Variants in FANCB observed in about 807,000 individuals in gnomAD.
The protein encoded by FANCB is FA complementation group B.
Under a neutral mutation model 38.9 loss-of-function variants are expected in FANCB, and 5 were observed. The observed-to-expected ratio is 0.13, with a 90% CI of 0.07 to 0.27. FANCB has a LOEUF of 0.27. Among genes scored for constraint, FANCB ranks in the 10% least tolerant of loss-of-function variants. The pLI is 1.00. For missense variants in FANCB, 573 were observed against 602.7 expected (o/e 0.95, Z 0.52); for synonymous variants, 236 against 215.4 (o/e 1.10, Z -0.84).
the FANCB span, among the ~76,000 whole-genome samples, chrX:14,716,446 G>A: frequency 8.9e-6 from 1 of 111,811 alleles, no homozygotes. Flanking sequence ...GAAGAGGATG[G>A]AAGTCCTTTG....
At chrX:14,849,542 T>C (rs370124400) in intron 7 of FANCB, among the ~76,000 whole-genome samples, 1 of 112,249 alleles carries the variant, frequency 8.9e-6, no homozygotes, top group African/African-American at 3.2e-5. Flanking sequence ...TAAAAAGCTC[T>C]TTGTTAGACT....
the FANCB span, among the ~76,000 whole-genome samples, chrX:14,797,893 A>T: frequency 2.7e-5 from 3 of 110,458 alleles, no homozygotes; most frequent in African/African-American, 9.9e-5. Context: ...GATGAGTAAA[A>T]GCTCCCTAGG....
the FANCB span, among the ~76,000 whole-genome samples, chrX:14,821,877 T>A: frequency 8.9e-6 from 1 of 111,749 alleles, no homozygotes; most frequent in African/African-American, 3.3e-5. Context: ...AATGAGAGCA[T>A]CCTGGCATTT....
the FANCB span, among the ~76,000 whole-genome samples, chrX:14,778,322 G>T: frequency 1.8e-5 from 2 of 111,575 alleles, no homozygotes; most frequent in African/African-American, 6.5e-5. Context: ...GATGTAGTGG[G>T]TATAGGTCAA....
At chrX:14,731,167 A>ATGAC in the FANCB span, 1 of 112,159 alleles carries the variant, frequency 8.9e-6, no homozygotes, top group Non-Finnish European at 1.9e-5. Flanking sequence ...ATAAACACCA[A>ATGAC]TGACAGAAAA....
chrX:14,832,904 T>C (rs1443238547), downstream of FANCB, among the ~76,000 whole-genome samples: 1 of 112,139 alleles, frequency 8.9e-6, no homozygotes, highest in African/African-American at 3.2e-5. Context: ...ATGTCTTTCA[T>C]GTGTAAATTT....
chrX:14,717,544 T>C, the FANCB span, among the ~76,000 whole-genome samples: 1 of 111,310 alleles, frequency 9.0e-6, no homozygotes, highest in Admixed American at 9.6e-5. Context: ...ATAAGCCTGC[T>C]CTAATATTTA....
chrX:14,841,332 A>G (rs963062942), downstream of FANCB, among the ~76,000 whole-genome samples: 23 of 112,435 alleles, frequency 2.0e-4, no homozygotes, highest in African/African-American at 7.4e-4. Flanking sequence ...GGCAAAAAGG[A>G]AAAAGAAAGA....
chrX:14,697,686 T>TATGGCATGGC, the FANCB span, among the ~76,000 whole-genome samples: 1 of 110,755 alleles, frequency 9.0e-6, no homozygotes, highest in African/African-American at 3.3e-5. Flanking sequence ...AGCCTTGTTC[T>TATGGCATGGC]ATGGCATGGC....
At chrX:14,804,462 C>T in the FANCB span, among the ~76,000 whole-genome samples, 1 of 110,796 alleles carries the variant, frequency 9.0e-6, no homozygotes, top group Non-Finnish European at 1.9e-5. Context: ...GGAAGGGGAA[C>T]ATCACACACC....
chrX:14,722,222 T>C, the FANCB span, among the ~76,000 whole-genome samples: 2 of 111,951 alleles, frequency 1.8e-5, no homozygotes, highest in Non-Finnish European at 3.8e-5. Context: ...GTTCGGGGTC[T>C]CTCCTCTTGG....
At chrX:14,860,647 T>C (rs2092442838) in intron 3 of FANCB, among the ~76,000 whole-genome samples, 1 of 112,489 alleles carries the variant, frequency 8.9e-6, no homozygotes, top group African/African-American at 3.2e-5. Flanking sequence ...TTTAATTCAA[T>C]GTAATCATTA....
At chrX:14,719,042 T>C in the FANCB span, among the ~76,000 whole-genome samples, 1 of 111,792 alleles carries the variant, frequency 8.9e-6, no homozygotes, top group African/African-American at 3.3e-5. Context: ...GTCCACCCTC[T>C]TCGCACAACA....
chrX:14,768,191 G>A, the FANCB span, among the ~76,000 whole-genome samples: 2 of 111,850 alleles, frequency 1.8e-5, no homozygotes, highest in Non-Finnish European at 3.8e-5. Flanking sequence ...TTCTAATTCT[G>A]TGAAGAATGT....
At chrX:14,727,522 C>T in the FANCB span, among the ~76,000 whole-genome samples, 1 of 112,136 alleles carries the variant, frequency 8.9e-6, no homozygotes, top group Middle Eastern at 4.6e-3. Flanking sequence ...AACAAGTCCC[C>T]TCCTCCTAAT....
At chrX:14,811,787 T>C in the FANCB span, among the ~76,000 whole-genome samples, 37 of 111,203 alleles carry the variant, frequency 3.3e-4, no homozygotes, top group African/African-American at 1.1e-3. Context: ...TACCCAGGAA[T>C]TGAACTCAGC....
At chrX:14,810,169 T>A in the FANCB span, among the ~76,000 whole-genome samples, 2 of 111,078 alleles carry the variant, frequency 1.8e-5, no homozygotes, top group African/African-American at 6.5e-5. Context: ...CATCTGTACA[T>A]CACCATCATC....
At chrX:14,860,326 C>T (rs1447072366) in intron 3 of FANCB, among the ~76,000 whole-genome samples, 1 of 112,219 alleles carries the variant, frequency 8.9e-6, no homozygotes, top group Non-Finnish European at 1.9e-5. Flanking sequence ...AAAGTTGATT[C>T]TTCACTTGTG....
At chrX:14,693,855 T>C in the FANCB span, among the ~76,000 whole-genome samples, 6 of 111,957 alleles carry the variant, frequency 5.4e-5, no homozygotes, top group Admixed American at 9.5e-5. Context: ...AGAATTCACA[T>C]TGGAAGTTAG....
Sources: allele counts gnomAD v4.1 joint callset (sites outside exome capture counted in the v4.1 genomes callset), GRCh38; gene constraint gnomAD v4.1.1; transcripts MANE v1.5; gene names NCBI Gene and HGNC (gene_info 2026-07-23, HGNC 2026-07-21).